Variants in CAMK4 observed in about 807,000 individuals in gnomAD.
CAMK4 encodes the protein calcium/calmodulin dependent protein kinase IV.
CAMK4 carries 22 observed loss-of-function variants against 44.9 expected under a neutral mutation model. The observed-to-expected ratio is 0.49, with a 90% CI of 0.35 to 0.70. The LOEUF is 0.70. Among genes scored for constraint, CAMK4 ranks in the 30% least tolerant of loss-of-function variants. The probability of loss-of-function intolerance (pLI) is 0.01; values close to 1 mark genes in which losing one functional copy is unlikely to be tolerated. For missense variants in CAMK4, 498 were observed against 586.8 expected (o/e 0.85, Z 1.56); for synonymous variants, 218 against 215.4 (o/e 1.01, Z -0.11).
rs1580623778 is a variant in CAMK4 at position 111,344,075 on chromosome 5, T to G, written c.213T>G (p.Pro71=). 1 of 1,605,216 alleles carries G rather than the reference T, an allele frequency of 6.2e-7. No homozygotes were observed. Among genetic ancestry groups the G allele is most frequent in the Non-Finnish European group, 8.5e-7 (1 of 1,172,750 alleles). The change falls in exon 2 of 11, where the codon CCT becomes CCG. Residue 71 remains proline (P), a synonymous_variant. Transcript: ENST00000282356. ...GCAAACAGAAGGGGACCCAGAAGCC[T>G]TATGCTCTCAAAGTGTTAAAGAAAA... ...YRCKQKGTQK[P]YALKVLKKTV...
At chr5:111,268,551 G>A (rs1750362248) in intron 1 of CAMK4, among the ~76,000 whole-genome samples, 2 of 152,202 alleles carry the variant, frequency 1.3e-5, no homozygotes, top group African/African-American at 2.4e-5. Context: ...TTTGCAGGGA[G>A]TTAATGGGAA....
rs1206772177 is a variant in CAMK4 at position 111,492,095 on chromosome 5, A to G, written c.*7629A>G. The G allele has an allele frequency of 1.3e-5, 2 of 152,140 alleles. No individual in the cohort carries two copies. The highest frequency in any genetic ancestry group is 2.9e-5 in the Non-Finnish European group (2 of 68,024). 9.4% of individuals were successfully genotyped at this position (152,140 alleles called of 1,614,324 possible). Reference sequence around the variant, plus strand: ...CCAAGAAGGGCCCTTGTCTTAGTCTATTTCTGTCACAGAGAAATTGTTCAT... The same window carrying G: ...CCAAGAAGGGCCCTTGTCTTAGTCTGTTTCTGTCACAGAGAAATTGTTCAT... On this transcript the variant is annotated 3_prime_UTR_variant, in exon 11 of 11. Transcript: ENST00000282356.
In CAMK4 at chr5:111,489,436, A is replaced by G. The variant is rs970781500; in HGVS notation, c.*4970A>G. Reference sequence around the variant, plus strand: ...GCTCATAAAGCTTGGCCATGTCTATACTTATCTTGGAGAGCAATAACAAAC... The same window carrying G: ...GCTCATAAAGCTTGGCCATGTCTATGCTTATCTTGGAGAGCAATAACAAAC... On this transcript the variant is annotated 3_prime_UTR_variant, in exon 11 of 11. Transcript: ENST00000282356. The G allele has an allele frequency of 6.6e-6, 1 of 152,214 alleles. No homozygotes were observed. The highest frequency in any genetic ancestry group is 1.5e-5 in the Non-Finnish European group (1 of 68,042). 9.4% of individuals were successfully genotyped at this position (152,214 alleles called of 1,614,324 possible). A position where few individuals can be genotyped will look rare whatever the true frequency, so the allele number is the denominator to read the frequency against.
chr5:111,309,728 A>G (rs1748118035), intron 1 of CAMK4, among the ~76,000 whole-genome samples: 1 of 152,154 alleles, frequency 6.6e-6, no homozygotes, highest in Admixed American at 6.5e-5. Flanking sequence ...AACTTCTATT[A>G]TCTCACTAAA....
intron 5 of CAMK4, among the ~76,000 whole-genome samples, chr5:111,429,615 A>C (rs2112935573): frequency 2.0e-5 from 3 of 151,788 alleles, no homozygotes; most frequent in Admixed American, 2.0e-4. Flanking sequence ...TCTACCAAAA[A>C]TACAAAAAAA....
At chr5:111,258,046 T>A (rs1749814919) in intron 1 of CAMK4, among the ~76,000 whole-genome samples, 1 of 152,094 alleles carries the variant, frequency 6.6e-6, no homozygotes, top group Non-Finnish European at 1.5e-5. Flanking sequence ...GATAAATAGT[T>A]AATGCATGCA....
At chr5:111,455,130 A>G (rs1029185425) in intron 7 of CAMK4, among the ~76,000 whole-genome samples, 1 of 152,190 alleles carries the variant, frequency 6.6e-6, no homozygotes, top group Non-Finnish European at 1.5e-5. Context: ...GGCTTTAGTA[A>G]TGGCAAATAT....
upstream of CAMK4, chr5:111,224,339 G>C: frequency 8.4e-7 from 1 of 1,193,258 alleles, no homozygotes; most frequent in Admixed American, 4.4e-5. This position sits in a 1 kb window ranked among gnomAD's most constrained non-coding sequence, Gnocchi z 5.7. Context: ...CCCTGCGAGC[G>C]CGGGCGGCGG....
rs190856687 is a variant in CAMK4, at chr5:111,329,372, G to A, written c.162-14652G>A. ...TATTCAACATGGTGTTGGAAGTTCT[G>A]GCCAGGGCAATCAGGCTGGAGAAGG... is the stretch of plus-strand genomic sequence containing the variant. On this transcript the variant is annotated intron_variant, in intron 1 of 10. Coordinates refer to ENST00000282356, the MANE Select transcript of CAMK4 (RefSeq NM_001744.6). Among the ~76,000 whole-genome samples, 1,301 of 151,954 alleles carry A rather than the reference G, an allele frequency of 8.6e-3. 8 individuals carry two copies. Among genetic ancestry groups the A allele is most frequent in the Middle Eastern group, 0.017 (5 of 294 alleles).
intron 5 of CAMK4, among the ~76,000 whole-genome samples, chr5:111,431,711 G>C (rs1273554711): frequency 6.6e-6 from 1 of 152,090 alleles, no homozygotes; most frequent in Non-Finnish European, 1.5e-5. Context: ...GATTTGAATA[G>C]ACATTTCTCA....
chr5:111,349,650 T>G (rs1750010913), intron 2 of CAMK4, among the ~76,000 whole-genome samples: 1 of 152,010 alleles, frequency 6.6e-6, no homozygotes, highest in African/African-American at 2.4e-5. Context: ...ATTATGATGA[T>G]GGAGTCTCTA....
At chr5:111,428,282 G>A (rs143440067) in intron 5 of CAMK4, among the ~76,000 whole-genome samples, 14 of 152,228 alleles carry the variant, frequency 9.2e-5, no homozygotes, top group East Asian at 5.8e-4. Flanking sequence ...AAGTCCACAC[G>A]GTGACAACTA....
chr5:111,325,197 A>G (rs1456115965), intron 1 of CAMK4, among the ~76,000 whole-genome samples: 2 of 151,912 alleles, frequency 1.3e-5, no homozygotes, highest in East Asian at 1.9e-4. Context: ...TTTTATGACT[A>G]TATTGTATTC....
At chr5:111,401,302 C>G (rs3776940) in intron 5 of CAMK4, among the ~76,000 whole-genome samples, 1 of 152,204 alleles carries the variant, frequency 6.6e-6, no homozygotes, top group Admixed American at 6.5e-5. Context: ...CCATGCCTGG[C>G]TAATTTTTGT....
At chr5:111,329,964 T>C (rs1279587384) in intron 1 of CAMK4, among the ~76,000 whole-genome samples, 3 of 151,612 alleles carry the variant, frequency 2.0e-5, no homozygotes, top group African/African-American at 4.8e-5. Flanking sequence ...ACTACTTCAA[T>C]AGAATATTAT....
intron 7 of CAMK4, among the ~76,000 whole-genome samples, chr5:111,470,576 C>A (rs534600801): frequency 1.3e-5 from 2 of 152,238 alleles, no homozygotes; most frequent in African/African-American, 4.8e-5. Context: ...GTGATAACAG[C>A]AGCCATTTAG....
At chr5:111,393,131 A>T (rs540624828) in intron 4 of CAMK4, among the ~76,000 whole-genome samples, 1 of 152,298 alleles carries the variant, frequency 6.6e-6, no homozygotes, top group South Asian at 2.1e-4. Context: ...TAGCTAACAA[A>T]GAAGCAGCAA....
At position 111,484,223 on chromosome 5, in the gene CAMK4, G is replaced by A; in HGVS notation, c.1179G>A (p.Glu393=). The A allele has an allele frequency of 1.2e-6, 2 of 1,614,146 alleles. No individual in the cohort carries two copies. Among genetic ancestry groups the A allele is most frequent in the Non-Finnish European group, 1.7e-6 (2 of 1,180,022 alleles). Residue 393 remains glutamate (E), a synonymous_variant, in exon 11 of 11, where the codon GAG becomes GAA. Coordinates refer to ENST00000282356, the MANE Select transcript of CAMK4 (RefSeq NM_001744.6). This position sits in a 1 kb window ranked among gnomAD's most constrained non-coding sequence, Gnocchi z 5.3. ...CCGCAGTTAAGGGGGCACAGGCTGA[G>A]CTGATGAAGGTGCAAGCCTTAGAGA... ...AQAAVKGAQA[E]LMKVQALEKV...
intron 1 of CAMK4, among the ~76,000 whole-genome samples, chr5:111,251,117 G>A (rs1030255474): frequency 4.6e-5 from 7 of 152,290 alleles, no homozygotes; most frequent in Non-Finnish European, 7.4e-5. Flanking sequence ...TTAGAGTTGC[G>A]TAGCTGTATT....
Sources: gnomAD v4.1 joint callset for allele counts (sites outside exome capture counted in the v4.1 genomes callset) on GRCh38, gnomAD v4.1.1 for gene constraint, Gnocchi (gnomAD v3.1) non-coding constraint, MANE v1.5 for transcripts, NCBI Gene and HGNC (gene_info 2026-07-23, HGNC 2026-07-21) for gene names.